CSMD1: variants seen among roughly 807,000 people sequenced by gnomAD.
CSMD1 encodes CUB and Sushi multiple domains 1, also known as CUB and sushi domain-containing protein 1.
A neutral mutation model predicts 417.5 loss-of-function variants in CSMD1; 213 were observed. The observed-to-expected ratio is 0.51, with a 90% CI of 0.46 to 0.57. CSMD1 has a LOEUF of 0.57. Among genes scored for constraint, CSMD1 ranks in the 20% least tolerant of loss-of-function variants. The pLI is 0.00. For synonymous variants in CSMD1, 2,862 were observed against 1,736.8 expected, an observed-to-expected ratio of 1.65 and a Z score of -16.11; for missense variants, 6,923 against 4,529.7, an observed-to-expected ratio of 1.53 and a Z score of -15.17.
intron 26 of CSMD1, among the ~76,000 whole-genome samples, chr8:3,264,411 T>C (rs1425414347): frequency 6.6e-6 from 1 of 152,172 alleles, no homozygotes; most frequent in Non-Finnish European, 1.5e-5. Context: ...ACTCGCTATG[T>C]GCCTTTTTGC....
At chr8:3,189,832 G>T in intron 34 of CSMD1, 80 bp downstream of exon 34, 1 of 1,309,508 alleles carries the variant, frequency 7.6e-7, no homozygotes, top group East Asian at 2.5e-5. Flanking sequence ...GATTTACGTA[G>T]CCTGGATAGA....
At chr8:4,046,930 G>T (rs940445666) in intron 3 of CSMD1, among the ~76,000 whole-genome samples, 3 of 152,022 alleles carry the variant, frequency 2.0e-5, no homozygotes, top group South Asian at 2.1e-4. Flanking sequence ...TGGCCAAGAG[G>T]GAACTTGAGT....
At chr8:3,641,024 C>CTGTT (rs1491242314) in intron 7 of CSMD1, among the ~76,000 whole-genome samples, 15 of 102,750 alleles carry the variant, frequency 1.5e-4, no homozygotes, top group Middle Eastern at 9.1e-3. Flanking sequence ...TCCTTTTTTC[C>CTGTT]TTTTTTTTTT....
intron 2 of CSMD1, among the ~76,000 whole-genome samples, chr8:4,499,566 G>A (rs1048483927): frequency 1.3e-5 from 2 of 152,128 alleles, no homozygotes; most frequent in African/African-American, 4.8e-5. Context: ...ATATAAGAGG[G>A]CAATAATAAA....
chr8:4,988,262 A>G (rs558688672), intron 1 of CSMD1, among the ~76,000 whole-genome samples: 2 of 152,346 alleles, frequency 1.3e-5, no homozygotes, highest in East Asian at 1.9e-4. Context: ...ATAAGCATCA[A>G]GTATCAAATT....
At chr8:4,111,499 G>A (rs1206557213) in intron 3 of CSMD1, among the ~76,000 whole-genome samples, 1 of 152,246 alleles carries the variant, frequency 6.6e-6, no homozygotes, top group East Asian at 1.9e-4. Flanking sequence ...ATCCACAATA[G>A]CAAAGACATG....
chr8:4,045,974 G>C (rs943782497), intron 3 of CSMD1, among the ~76,000 whole-genome samples: 3 of 151,994 alleles, frequency 2.0e-5, no homozygotes, highest in Non-Finnish European at 2.9e-5. Flanking sequence ...TTAGATTCCT[G>C]TGAAGTGGAT....
At chr8:3,542,180 A>G (rs1009516396) in intron 10 of CSMD1, among the ~76,000 whole-genome samples, 1 of 152,170 alleles carries the variant, frequency 6.6e-6, no homozygotes, top group African/African-American at 2.4e-5. Context: ...CAAAACTAAG[A>G]GTCTTGCTTG....
chr8:2,949,031 A>T (rs1802440832), intron 68 of CSMD1, among the ~76,000 whole-genome samples: 1 of 149,298 alleles, frequency 6.7e-6, no homozygotes, highest in Admixed American at 6.7e-5. Flanking sequence ...TTATACTTTG[A>T]TTTTCATCTT....
At chr8:4,336,799 G>A (rs1191041227) in intron 3 of CSMD1, among the ~76,000 whole-genome samples, 2 of 152,092 alleles carry the variant, frequency 1.3e-5, no homozygotes, top group African/African-American at 4.8e-5. Context: ...CCGCCTGGAT[G>A]AAAGGCAGGC....
chr8:4,148,109 T>C (rs1487289611), intron 3 of CSMD1, among the ~76,000 whole-genome samples: 3 of 152,110 alleles, frequency 2.0e-5, no homozygotes, highest in African/African-American at 7.2e-5. Context: ...AGATGGCATC[T>C]TTGATGCGCG....
chr8:4,434,792 G>C (rs1224956456), intron 2 of CSMD1, among the ~76,000 whole-genome samples: 1 of 152,074 alleles, frequency 6.6e-6, no homozygotes, highest in Non-Finnish European at 1.5e-5. Flanking sequence ...TCCAGACCCT[G>C]CACCGCCCAT....
chr8:4,114,922 C>G (rs1467741122), intron 3 of CSMD1, among the ~76,000 whole-genome samples: 2 of 152,064 alleles, frequency 1.3e-5, no homozygotes, highest in African/African-American at 2.4e-5. Flanking sequence ...AAATAGTATG[C>G]TGAGATACAA....
chr8:4,508,721 G>T (rs1055226466), intron 2 of CSMD1, among the ~76,000 whole-genome samples: 5 of 152,036 alleles, frequency 3.3e-5, no homozygotes, highest in African/African-American at 1.2e-4. Flanking sequence ...TGCTTCAAAG[G>T]GGAATCAGAT....
At chr8:3,175,585 T>C (rs1241614644) in intron 37 of CSMD1, among the ~76,000 whole-genome samples, 2 of 144,480 alleles carry the variant, frequency 1.4e-5, no homozygotes. Flanking sequence ...TCCTTCCTTT[T>C]TGTCCTCCCT....
chr8:3,334,852 G>C (rs141586654), intron 23 of CSMD1, among the ~76,000 whole-genome samples: 1 of 152,354 alleles, frequency 6.6e-6, no homozygotes, highest in Non-Finnish European at 1.5e-5. Flanking sequence ...CCACACTGCA[G>C]GTGGCAGCAC....
chr8:3,210,012 A>C (rs1460901578), intron 30 of CSMD1, among the ~76,000 whole-genome samples: 1 of 152,226 alleles, frequency 6.6e-6, no homozygotes, highest in African/African-American at 2.4e-5. Flanking sequence ...ATTTGTAGGT[A>C]ATAGACGAAT....
chr8:4,807,503 A>G lies in CSMD1; in HGVS notation c.86-169945T>C, dbSNP rs548775158. 3.3e-5 allele frequency among the ~76,000 whole-genome samples: 5 copies of G among 152,190 alleles called. No homozygotes were observed. The South Asian group carries it at 1.0e-3, about 32-fold the overall frequency. ...AGCTGAGCCCAGCCCATCCTGAATCACCTAAACCCCAGACAAACCAGAGAG... is the reference window on the plus strand; with the variant it reads ...AGCTGAGCCCAGCCCATCCTGAATCGCCTAAACCCCAGACAAACCAGAGAG... On this transcript the variant is annotated intron_variant, in intron 1 of 69. Coordinates refer to ENST00000635120, the MANE Select transcript of CSMD1 (RefSeq NM_033225.6).
chr8:3,168,933 C>G (rs1820408569), intron 37 of CSMD1, among the ~76,000 whole-genome samples: 1 of 152,030 alleles, frequency 6.6e-6, no homozygotes, highest in South Asian at 2.1e-4. Flanking sequence ...CTCTCTCTCT[C>G]TCTCAGGGGC....
Sources: allele counts gnomAD v4.1 joint callset (sites outside exome capture counted in the v4.1 genomes callset), GRCh38; gene constraint gnomAD v4.1.1; transcripts MANE v1.5; gene names NCBI Gene and HGNC (gene_info 2026-07-23, HGNC 2026-07-21).